PTPRM: variants seen among roughly 807,000 people sequenced by gnomAD.
The protein encoded by PTPRM is protein tyrosine phosphatase receptor type M.
Under a neutral mutation model 186.7 loss-of-function variants are expected in PTPRM, and 47 were observed. The ratio of observed to expected loss-of-function variants is 0.25; its 90% CI spans 0.20 to 0.32. PTPRM has a LOEUF of 0.32. Ranked by LOEUF, PTPRM falls within the 10% of genes least tolerant of loss-of-function variation. The probability of loss-of-function intolerance (pLI) is 1.00; values close to 1 mark genes in which losing one functional copy is unlikely to be tolerated. For missense variants in PTPRM, 1,494 were observed against 1,865.0 expected (o/e 0.80, Z 3.66); for synonymous variants, 668 against 674.9 (o/e 0.99, Z 0.16).
chr18:8,389,737 T>C (rs932584610), intron 31 of PTPRM, among the ~76,000 whole-genome samples: 2 of 152,204 alleles, frequency 1.3e-5, no homozygotes, highest in Non-Finnish European at 2.9e-5. Context: ...TTAGTTTACA[T>C]TGGCATCCCC....
At chr18:8,208,628 C>G (rs1461525623) in intron 14 of PTPRM, among the ~76,000 whole-genome samples, 1 of 152,102 alleles carries the variant, frequency 6.6e-6, no homozygotes, top group Non-Finnish European at 1.5e-5. Flanking sequence ...CCTCCCATCT[C>G]AGCCTCCTGA....
intron 20 of PTPRM, among the ~76,000 whole-genome samples, chr18:8,312,243 C>T (rs1209690047): frequency 6.6e-6 from 1 of 151,688 alleles, no homozygotes; most frequent in East Asian, 1.9e-4. Flanking sequence ...CACTGGCTCT[C>T]CTAAGATACA....
intron 1 of PTPRM, among the ~76,000 whole-genome samples, chr18:7,680,070 T>C (rs1598358553): frequency 1.3e-5 from 2 of 152,200 alleles, no homozygotes; most frequent in Admixed American, 1.3e-4. Context: ...TTCACCATGT[T>C]GCCCAGGCTG....
chr18:8,063,454 C>T (rs1009729511), intron 7 of PTPRM, among the ~76,000 whole-genome samples: 9 of 152,154 alleles, frequency 5.9e-5, no homozygotes, highest in East Asian at 1.9e-4. Context: ...TGTTCCTATT[C>T]GGCCATCTTC....
chr18:8,205,736 T>C (rs1182623035), intron 14 of PTPRM, among the ~76,000 whole-genome samples: 1 of 152,220 alleles, frequency 6.6e-6, no homozygotes, highest in East Asian at 1.9e-4. Flanking sequence ...GGACATAGTG[T>C]CAGATTGTAC....
chr18:7,933,710 T>C (rs1015383145), intron 5 of PTPRM, among the ~76,000 whole-genome samples: 3 of 152,164 alleles, frequency 2.0e-5, no homozygotes, highest in East Asian at 1.9e-4. Flanking sequence ...AAAGTAGATT[T>C]GTAGTTAGAG....
chr18:7,794,272 G>A (rs953556300), intron 2 of PTPRM, among the ~76,000 whole-genome samples: 1 of 152,154 alleles, frequency 6.6e-6, no homozygotes, highest in Non-Finnish European at 1.5e-5. Flanking sequence ...AACTAAAAGA[G>A]CACCTGTAAC....
At chr18:8,093,964 A>G (rs191192520) in intron 11 of PTPRM, among the ~76,000 whole-genome samples, 7 of 152,268 alleles carry the variant, frequency 4.6e-5, no homozygotes, top group East Asian at 1.9e-4. Flanking sequence ...TGTGATTTAC[A>G]TGCCATTTTA....
intron 1 of PTPRM, among the ~76,000 whole-genome samples, chr18:7,583,877 T>C (rs1419675088): frequency 6.6e-6 from 1 of 152,204 alleles, no homozygotes. Flanking sequence ...AGCAATAATT[T>C]AAGACCTTTG....
chr18:7,784,710 A>G (rs1247688386), intron 2 of PTPRM, among the ~76,000 whole-genome samples: 2 of 152,200 alleles, frequency 1.3e-5, no homozygotes, highest in Non-Finnish European at 2.9e-5. Flanking sequence ...CAGTAAATTC[A>G]GAGATTAGTC....
chr18:7,981,981 T>C (rs1473713407), intron 7 of PTPRM, among the ~76,000 whole-genome samples: 3 of 152,134 alleles, frequency 2.0e-5, no homozygotes, highest in East Asian at 1.9e-4. Flanking sequence ...GCTCTGGGTG[T>C]CAGGGACCTA....
intron 14 of PTPRM, among the ~76,000 whole-genome samples, chr18:8,183,814 A>G (rs953726164): frequency 1.9e-4 from 29 of 152,158 alleles, no homozygotes; most frequent in African/African-American, 6.0e-4. Flanking sequence ...TACATCCTCA[A>G]CCTCAGAGGT....
At chr18:8,363,173 A>T (rs1301592811) in intron 23 of PTPRM, among the ~76,000 whole-genome samples, 1 of 152,182 alleles carries the variant, frequency 6.6e-6, no homozygotes, top group Admixed American at 6.5e-5. Flanking sequence ...TTGGTCCCTT[A>T]GGTCTCCTAT....
chr18:8,015,816 CCA>C (rs756337736), intron 7 of PTPRM, among the ~76,000 whole-genome samples: 19 of 152,038 alleles, frequency 1.2e-4, no homozygotes, highest in Non-Finnish European at 2.5e-4. Flanking sequence ...ACTCCCCATC[CCA>C]CACACACAAA....
At chr18:8,171,755 A>G (rs1303531949) in intron 14 of PTPRM, among the ~76,000 whole-genome samples, 1 of 152,008 alleles carries the variant, frequency 6.6e-6, no homozygotes, top group Non-Finnish European at 1.5e-5. Flanking sequence ...TGGACTTTTG[A>G]TAGGATTATG....
At chr18:8,230,583 G>A (rs1171063862) in intron 14 of PTPRM, among the ~76,000 whole-genome samples, 1 of 152,196 alleles carries the variant, frequency 6.6e-6, no homozygotes, top group South Asian at 2.1e-4. Flanking sequence ...TGGAAGATAG[G>A]GATAATAATG....
At chr18:8,373,227 G>C (rs2095674535) in intron 24 of PTPRM, among the ~76,000 whole-genome samples, 1 of 152,198 alleles carries the variant, frequency 6.6e-6, no homozygotes, top group Non-Finnish European at 1.5e-5. Context: ...AAGAGAACAG[G>C]TAAGCATGTA....
intron 3 of PTPRM, among the ~76,000 whole-genome samples, chr18:7,896,645 C>T (rs74782311): frequency 0.023 from 3,453 of 152,188 alleles, 127 homozygotes; most frequent in African/African-American, 0.079. Flanking sequence ...TGTGGGTTCA[C>T]GAGAGCCTCC....
At chr18:7,759,259 A>G (rs373665302) in intron 1 of PTPRM, among the ~76,000 whole-genome samples, 2 of 152,338 alleles carry the variant, frequency 1.3e-5, no homozygotes, top group East Asian at 1.9e-4. Flanking sequence ...TAAGTGTCCA[A>G]TATGGCCAAG....
Sources: gnomAD v4.1 joint callset for allele counts (sites outside exome capture counted in the v4.1 genomes callset) on GRCh38, gnomAD v4.1.1 for gene constraint, MANE v1.5 for transcripts, NCBI Gene and HGNC (gene_info 2026-07-23, HGNC 2026-07-21) for gene names.